CNTNAP2: variants seen among roughly 807,000 people sequenced by gnomAD.
CNTNAP2 encodes the protein contactin associated protein 2, also known as contactin-associated protein-like 2.
Under a neutral mutation model 155.2 loss-of-function variants are expected in CNTNAP2, and 98 were observed. The observed-to-expected ratio is 0.63, with a 90% CI of 0.54 to 0.75. The LOEUF is 0.75. Ranked by LOEUF, CNTNAP2 falls within the 30% of genes least tolerant of loss-of-function variation. The probability of loss-of-function intolerance (pLI) is 0.00; values close to 1 mark genes in which losing one functional copy is unlikely to be tolerated. For synonymous variants in CNTNAP2, 651 were observed against 631.2 expected, an observed-to-expected ratio of 1.03 and a Z score of -0.47; for missense variants, 1,727 against 1,688.1, an observed-to-expected ratio of 1.02 and a Z score of -0.40.
chr7:146,533,592 T>C (rs1242098293), intron 1 of CNTNAP2, among the ~76,000 whole-genome samples: 1 of 152,162 alleles, frequency 6.6e-6, no homozygotes, highest in African/African-American at 2.4e-5. Context: ...TGGAACATGA[T>C]AAGATTTGTG....
intron 3 of CNTNAP2, among the ~76,000 whole-genome samples, chr7:146,863,438 T>G (rs1795143730): frequency 6.7e-6 from 1 of 149,674 alleles, no homozygotes; most frequent in Admixed American, 6.6e-5. Context: ...CATATGACTC[T>G]ATGCTTTAAT....
At chr7:147,004,527 A>G (rs1173848759) in intron 3 of CNTNAP2, among the ~76,000 whole-genome samples, 1 of 152,068 alleles carries the variant, frequency 6.6e-6, no homozygotes, top group African/African-American at 2.4e-5. Context: ...TTTCCGGAAT[A>G]CCAAATATTT....
chr7:146,753,960 A>G (rs1286962700), intron 1 of CNTNAP2, among the ~76,000 whole-genome samples: 33 of 152,022 alleles, frequency 2.2e-4, no homozygotes, highest in Non-Finnish European at 4.4e-5. Context: ...TGTTAGAAAA[A>G]TCCCAGCTAT....
chr7:147,906,202 T>A (rs546336467), intron 14 of CNTNAP2, among the ~76,000 whole-genome samples: 2 of 152,246 alleles, frequency 1.3e-5, no homozygotes, highest in South Asian at 4.1e-4. Context: ...AACATAGATT[T>A]TTTTTTTGAG....
At chr7:146,788,240 C>G (rs1477087564) in intron 2 of CNTNAP2, among the ~76,000 whole-genome samples, 2 of 152,180 alleles carry the variant, frequency 1.3e-5, no homozygotes, top group Non-Finnish European at 2.9e-5. Context: ...TCTGCCAGCC[C>G]CAGAGGGGGA....
intron 14 of CNTNAP2, among the ~76,000 whole-genome samples, chr7:147,933,097 T>C (rs1296658729): frequency 2.1e-5 from 3 of 144,282 alleles, no homozygotes; most frequent in African/African-American, 5.1e-5. Context: ...TTGTTTGTTT[T>C]GAGACAGAAT....
chr7:147,702,061 T>G (rs1048993987), intron 13 of CNTNAP2, among the ~76,000 whole-genome samples: 1 of 150,416 alleles, frequency 6.6e-6, no homozygotes, highest in Non-Finnish European at 1.5e-5. Flanking sequence ...GTTGGTTTTT[T>G]TTTTTTTTTT....
chr7:147,491,082 C>A (rs1798601659), intron 11 of CNTNAP2, among the ~76,000 whole-genome samples: 1 of 152,094 alleles, frequency 6.6e-6, no homozygotes, highest in African/African-American at 2.4e-5. Context: ...GGTGGGGACA[C>A]AGAGCCAAAC....
At chr7:146,371,865 G>A (rs1458056142) in intron 1 of CNTNAP2, among the ~76,000 whole-genome samples, 5 of 151,592 alleles carry the variant, frequency 3.3e-5, no homozygotes, top group African/African-American at 9.7e-5. Flanking sequence ...AGGCTGAGGC[G>A]GGAGAATTGC....
At chr7:146,275,953 A>G (rs928022118) in intron 1 of CNTNAP2, among the ~76,000 whole-genome samples, 2 of 152,198 alleles carry the variant, frequency 1.3e-5, no homozygotes, top group African/African-American at 4.8e-5. Flanking sequence ...TGCTACTGGC[A>G]TCTTGTGGGT....
chr7:146,469,857 T>TG (rs1449947394), intron 1 of CNTNAP2, among the ~76,000 whole-genome samples: 23 of 149,084 alleles, frequency 1.5e-4, no homozygotes, highest in African/African-American at 5.2e-4. Context: ...TTTTTTTTTT[T>TG]GAGACACAGT....
At chr7:147,117,560 A>G (rs1801014859) in intron 5 of CNTNAP2, among the ~76,000 whole-genome samples, 1 of 152,124 alleles carries the variant, frequency 6.6e-6, no homozygotes, top group Non-Finnish European at 1.5e-5. Context: ...CTCCTTGAGC[A>G]CTGCAGACTT....
intron 1 of CNTNAP2, among the ~76,000 whole-genome samples, chr7:146,428,773 T>C (rs1796131204): frequency 6.6e-6 from 1 of 152,174 alleles, no homozygotes; most frequent in South Asian, 2.1e-4. Flanking sequence ...ACTTGTCAAT[T>C]TTTGCTTTCA....
intron 3 of CNTNAP2, among the ~76,000 whole-genome samples, chr7:146,933,168 C>T (rs1040401520): frequency 1.7e-4 from 26 of 151,848 alleles, no homozygotes; most frequent in African/African-American, 4.6e-4. Context: ...GGAGGCATCA[C>T]GCTACCTGAC....
chr7:148,409,938 C>A (rs1799793003), intron 23 of CNTNAP2, among the ~76,000 whole-genome samples: 1 of 91,144 alleles, frequency 1.1e-5, no homozygotes, highest in African/African-American at 5.0e-5. Context: ...GTAGTCCCAG[C>A]TACTCAGGAG....
intron 13 of CNTNAP2, among the ~76,000 whole-genome samples, chr7:147,664,753 C>T (rs1355832357): frequency 6.6e-6 from 1 of 152,156 alleles, no homozygotes; most frequent in Non-Finnish European, 1.5e-5. Context: ...CTTTCATGGT[C>T]TGGCCCTGCC....
At chr7:146,551,136 T>C (rs1798115346) in intron 1 of CNTNAP2, among the ~76,000 whole-genome samples, 1 of 152,084 alleles carries the variant, frequency 6.6e-6, no homozygotes, top group African/African-American at 2.4e-5. Context: ...GAAGCTGGTA[T>C]AAGGAAATTC....
intron 8 of CNTNAP2, among the ~76,000 whole-genome samples, chr7:147,196,567 A>C (rs1802804226): frequency 6.6e-6 from 1 of 152,178 alleles, no homozygotes; most frequent in Admixed American, 6.5e-5. Context: ...TTCACTTTAA[A>C]TCTCTTCTTG....
chr7:148,133,460 T>C (rs563630217), intron 16 of CNTNAP2, among the ~76,000 whole-genome samples: 150 of 152,156 alleles, frequency 9.9e-4, no homozygotes, highest in African/African-American at 3.6e-3. Context: ...AGAATCTGTC[T>C]CAAATAAAGT....
Sources: allele counts gnomAD v4.1 joint callset (sites outside exome capture counted in the v4.1 genomes callset), GRCh38; gene constraint gnomAD v4.1.1; transcripts MANE v1.5; gene names NCBI Gene and HGNC (gene_info 2026-07-23, HGNC 2026-07-21).